The following PCDH11X variants were observed in gnomAD, a reference collection of about 807,000 sequenced individuals.
PCDH11X encodes protocadherin-11 X-linked.
A neutral mutation model predicts 53.3 loss-of-function variants in PCDH11X; 18 were observed. The ratio of observed to expected loss-of-function variants is 0.34; its 90% CI spans 0.23 to 0.50. The LOEUF is 0.50. PCDH11X is among the 20% of genes least tolerant of loss of function. The pLI, the probability that PCDH11X is intolerant of heterozygous loss-of-function variation, is 0.98. For missense variants in PCDH11X, 570 were observed against 1,032.4 expected (o/e 0.55, Z 6.14); for synonymous variants, 279 against 393.3 (o/e 0.71, Z 3.44).
intron 6 of PCDH11X, among the ~76,000 whole-genome samples, chrX:92,131,496 T>G (rs1453238860): frequency 1.8e-5 from 2 of 111,351 alleles, no homozygotes; most frequent in African/African-American, 6.5e-5. Context: ...GCAGATGAAC[T>G]GGGAAGGAAG....
At chrX:92,341,708 C>T (rs748965950) in intron 8 of PCDH11X, among the ~76,000 whole-genome samples, 220 of 111,052 alleles carry the variant, frequency 2.0e-3, no homozygotes, top group Non-Finnish European at 3.3e-3. Flanking sequence ...ATTCGTGAGT[C>T]GTCCGACTCC....
chrX:91,816,002 C>T (rs1209076727), intron 4 of PCDH11X, among the ~76,000 whole-genome samples: 2 of 107,992 alleles, frequency 1.9e-5, no homozygotes, highest in Non-Finnish European at 3.8e-5. Flanking sequence ...ATGGTGGGTG[C>T]CTGTAATCCC....
intron 6 of PCDH11X, among the ~76,000 whole-genome samples, chrX:92,118,411 C>T (rs1052853585): frequency 1.2e-4 from 13 of 107,315 alleles, no homozygotes; most frequent in African/African-American, 2.0e-4. Flanking sequence ...GATCTCTTCA[C>T]CATAAAATCT....
intron 8 of PCDH11X, among the ~76,000 whole-genome samples, chrX:92,295,311 T>C (rs1435130367): frequency 1.8e-5 from 2 of 110,348 alleles, no homozygotes; most frequent in Non-Finnish European, 3.8e-5. Flanking sequence ...ATAAACTGAA[T>C]AATATAGTTG....
intron 7 of PCDH11X, among the ~76,000 whole-genome samples, chrX:92,216,810 G>A (rs925568759): frequency 9.9e-5 from 10 of 100,559 alleles, no homozygotes; most frequent in East Asian, 6.4e-4. Context: ...GAGAAAGGTC[G>A]GGTTACCCAC....
At chrX:91,894,033 T>A (rs1290639798) in intron 6 of PCDH11X, among the ~76,000 whole-genome samples, 1 of 111,873 alleles carries the variant, frequency 8.9e-6, no homozygotes, top group Non-Finnish European at 1.9e-5. Context: ...TGGGGTTTTG[T>A]TTTGTTTAGT....
At chrX:91,941,693 G>C (rs1327774610) in intron 6 of PCDH11X, among the ~76,000 whole-genome samples, 2 of 109,045 alleles carry the variant, frequency 1.8e-5, no homozygotes, top group Non-Finnish European at 3.8e-5. Flanking sequence ...GATTGCCACT[G>C]TCAACTAACT....
chrX:91,842,136 T>C (rs1937531840), intron 5 of PCDH11X, among the ~76,000 whole-genome samples: 1 of 106,115 alleles, frequency 9.4e-6, no homozygotes, highest in Non-Finnish European at 1.9e-5. Flanking sequence ...ATATTCTCCC[T>C]TTTGTATTTA....
chrX:92,119,093 T>G lies in PCDH11X; in HGVS notation c.3034-82282T>G, dbSNP rs2064702609. Among the ~76,000 whole-genome samples, 4 of 109,603 alleles carry G rather than the reference T, an allele frequency of 3.6e-5. No individual in the cohort carries two copies. In the South Asian group the frequency reaches 1.6e-3, roughly 43 times the overall value. ...ATAAATTATTTATTTATTTTTAATT[T>G]TAATTTTTTAATTAATTTATTTGGT... On this transcript the variant is annotated intron_variant, in intron 6 of 10. Transcript: ENST00000682573.
chrX:92,216,211 C>A (rs2066707227), intron 7 of PCDH11X, among the ~76,000 whole-genome samples: 1 of 110,879 alleles, frequency 9.0e-6, no homozygotes, highest in Non-Finnish European at 1.9e-5. Flanking sequence ...CAGAGAATGA[C>A]TTTGACGAGC....
At chrX:91,783,301 G>A (rs1308649658) in intron 1 of PCDH11X, among the ~76,000 whole-genome samples, 5 of 110,929 alleles carry the variant, frequency 4.5e-5, no homozygotes, top group Non-Finnish European at 7.6e-5. Flanking sequence ...CATTTGCTAA[G>A]GGTTGAAATA....
At chrX:91,909,498 A>C (rs1261299389) in intron 6 of PCDH11X, among the ~76,000 whole-genome samples, 1 of 108,941 alleles carries the variant, frequency 9.2e-6, no homozygotes, top group Non-Finnish European at 1.9e-5. Context: ...GGATTCTCTT[A>C]AAGATCTTAC....
At chrX:92,115,633 T>C (rs991295958) in intron 6 of PCDH11X, among the ~76,000 whole-genome samples, 1 of 110,789 alleles carries the variant, frequency 9.0e-6, no homozygotes, top group Non-Finnish European at 1.9e-5. Context: ...TAGCCTTCAG[T>C]CTGTGGCTGA....
intron 6 of PCDH11X, among the ~76,000 whole-genome samples, chrX:92,176,776 T>A (rs769326656): frequency 9.0e-6 from 1 of 110,719 alleles, no homozygotes; most frequent in Non-Finnish European, 1.9e-5. Flanking sequence ...CATAGATACA[T>A]AGAGATACTA....
In PCDH11X at chrX:91,903,557, TA is replaced by T. The variant is rs201999071; in HGVS notation, c.3033+24285del. Among the ~76,000 whole-genome samples, 307 of 110,121 alleles carry T rather than the reference TA, an allele frequency of 2.8e-3. 1 individual carries two copies. Among genetic ancestry groups the T allele is most frequent in the African/African-American group, 9.8e-3 (298 of 30,334 alleles). On this transcript the variant is annotated intron_variant, in intron 6 of 10. Transcript: ENST00000682573. ...GTTTTAGTTTCTACAAATTCATTCA[TA>T]TTTTTTTATAGTGGAGACTTGCTCT...
intron 8 of PCDH11X, among the ~76,000 whole-genome samples, chrX:92,308,518 T>G (rs2068878361): frequency 9.1e-6 from 1 of 110,415 alleles, no homozygotes; most frequent in Non-Finnish European, 1.9e-5. Flanking sequence ...ATCAATGACC[T>G]TAACCATAAG....
chrX:91,825,065 C>A (rs1221285352), intron 4 of PCDH11X, among the ~76,000 whole-genome samples: 1 of 111,199 alleles, frequency 9.0e-6, no homozygotes, highest in Non-Finnish European at 1.9e-5. Context: ...GGGAGAACCA[C>A]TGCTCTCTTC....
At chrX:92,218,548 A>G (rs1167416940) in intron 7 of PCDH11X, among the ~76,000 whole-genome samples, 1 of 110,952 alleles carries the variant, frequency 9.0e-6, no homozygotes, top group Non-Finnish European at 1.9e-5. Flanking sequence ...AATTGTGGCA[A>G]TAATCAATAG....
chrX:92,103,830 G>A (rs186101637), intron 6 of PCDH11X, among the ~76,000 whole-genome samples: 1 of 111,854 alleles, frequency 8.9e-6, no homozygotes, highest in Admixed American at 9.5e-5. Context: ...ACTTTTTTCT[G>A]TTATTGCACA....
Sources: gnomAD v4.1 joint callset for allele counts (sites outside exome capture counted in the v4.1 genomes callset) on GRCh38, gnomAD v4.1.1 for gene constraint, MANE v1.5 for transcripts, NCBI Gene and HGNC (gene_info 2026-07-23, HGNC 2026-07-21) for gene names.